The following ATG14 variants were observed in gnomAD, a reference collection of about 807,000 sequenced individuals.
ATG14 encodes autophagy related 14.
In ATG14, 35 loss-of-function variants were observed where a neutral mutation model predicts 60.4. The ratio of observed to expected loss-of-function variants is 0.58; its 90% CI spans 0.44 to 0.77. The LOEUF (loss-of-function observed/expected upper bound fraction) is 0.77. ATG14 is among the 30% of genes least tolerant of loss of function. The pLI is 0.00. For missense variants in ATG14, 647 were observed against 626.3 expected, an observed-to-expected ratio of 1.03 and a Z score of -0.35; for synonymous variants, 234 against 228.8, an observed-to-expected ratio of 1.02 and a Z score of -0.21.
intron 9 of ATG14, among the ~76,000 whole-genome samples, chr14:55,370,715 C>T (rs1884795920): frequency 6.6e-6 from 1 of 151,712 alleles, no homozygotes; most frequent in South Asian, 2.1e-4. Context: ...CATCTTGGCT[C>T]CTGCAACCTC....
Position 55,367,304 on chromosome 14 carries a change from ACT to A in ATG14, c.*2313_*2314del, listed in dbSNP as rs1229179995. ...TCTGAGGGTTTTAAGTAGCTAGACA[ACT>A]CTTACAAGATCGTTAAGTTTATTTA... On this transcript the variant is annotated 3_prime_UTR_variant, in exon 10 of 10. Transcript: ENST00000247178. The A allele has an allele frequency of 1.3e-5, 2 of 152,210 alleles. No individual in the cohort carries two copies. Among genetic ancestry groups the A allele is most frequent in the Non-Finnish European group, 2.9e-5 (2 of 68,012 alleles). 9.4% of individuals were successfully genotyped at this position (152,210 alleles called of 1,614,324 possible). A position where few individuals can be genotyped will look rare whatever the true frequency, so the allele number is the denominator to read the frequency against.
At position 55,385,806 on chromosome 14, in the gene ATG14, A is replaced by G. The variant is rs1189993993; in HGVS notation, c.647+53T>C. On this transcript the variant is annotated intron_variant, in intron 5 of 9. Transcript: ENST00000247178. ...TAAATAAGGTAATGACATACTTTAA[A>G]AAGTATTTGGAACTTGATCTATTCC... 3.5e-6 allele frequency: 5 copies of G among 1,432,884 alleles called. No homozygotes were observed. In the Admixed American group the frequency reaches 1.0e-4, roughly 30 times the overall value. 88.8% of individuals were successfully genotyped at this position (1,432,884 alleles called of 1,614,324 possible).
chr14:55,376,182 G>A (rs1179933818), intron 9 of ATG14, among the ~76,000 whole-genome samples: 1 of 152,204 alleles, frequency 6.6e-6, no homozygotes, highest in Admixed American at 6.5e-5. Context: ...TGAGTTACTT[G>A]ACCATACTAA....
rs1884744052 is a variant in ATG14, at chr14:55,368,813, A to G, written c.*806T>C. 1 of 152,212 alleles carries G rather than the reference A, an allele frequency of 6.6e-6. No individual in the cohort carries two copies. 9.4% of individuals were successfully genotyped at this position (152,212 alleles called of 1,614,324 possible). A position where few individuals can be genotyped will look rare whatever the true frequency, so the allele number is the denominator to read the frequency against. On this transcript the variant is annotated 3_prime_UTR_variant, in exon 10 of 10. Coordinates refer to ENST00000247178, the MANE Select transcript of ATG14 (RefSeq NM_014924.5). ...ACCTTCATGACTTATTTTCACCCAG[A>G]AAATATAAGTTCAATTTCAAAATGC...
At chr14:55,387,024 A>G (rs974748822) in intron 4 of ATG14, among the ~76,000 whole-genome samples, 2 of 152,136 alleles carry the variant, frequency 1.3e-5, no homozygotes, top group Non-Finnish European at 2.9e-5. Flanking sequence ...AAGTCTGTCT[A>G]TCTAGGCCTT....
intron 4 of ATG14, among the ~76,000 whole-genome samples, chr14:55,389,514 T>A (rs1463346708): frequency 1.3e-5 from 2 of 152,194 alleles, no homozygotes; most frequent in Non-Finnish European, 2.9e-5. Context: ...TTTACACCAT[T>A]ACATGCCACT....
At chr14:55,386,140 T>G in intron 4 of ATG14, 44 bp from the exon 5 acceptor site, 1 of 1,535,478 alleles carries the variant, frequency 6.5e-7, no homozygotes, top group Non-Finnish European at 8.9e-7. Flanking sequence ...CTGCAAACAG[T>G]TCCTGTGTAC....
chr14:55,369,364 T>C lies in ATG14; in HGVS notation c.*255A>G, dbSNP rs995250326. 5 of 306,084 alleles carry C rather than the reference T, an allele frequency of 1.6e-5. No individual in the cohort carries two copies. The highest frequency in any genetic ancestry group is 1.1e-4 in the African/African-American group (5 of 46,682). The allele number at this position is 306,084 out of a possible 1,614,324, so 19.0% of individuals were successfully genotyped here. ...CAGAACTGGCCACACGCACAGGTCCTCCTTCCACCAGCACTGGTCTGGGTA... is the reference window on the plus strand; with the variant it reads ...CAGAACTGGCCACACGCACAGGTCCCCCTTCCACCAGCACTGGTCTGGGTA... On this transcript the variant is annotated 3_prime_UTR_variant, in exon 10 of 10. Transcript: ENST00000247178.
chr14:55,389,883 C>T (rs943483852), intron 4 of ATG14, among the ~76,000 whole-genome samples: 7 of 151,536 alleles, frequency 4.6e-5, no homozygotes, highest in African/African-American at 1.2e-4. Context: ...ATTTTGACAA[C>T]GATCTATGAT....
Position 55,369,684 on chromosome 14 carries a change from C to T in ATG14, c.1414G>A (p.Gly472Arg). ...SPPIASSSAG[G>R]MISSAAASVT... is the part of the protein sequence containing the mutation. Reference sequence around the variant, plus strand: ...GAGGCTGCTGCAGAGGAGATCATCCCACCTGCACTGCTGCTCGCGATGGGT... The same window carrying T: ...GAGGCTGCTGCAGAGGAGATCATCCTACCTGCACTGCTGCTCGCGATGGGT... Residue 472 changes from glycine (G) to arginine (R), a missense_variant, in exon 10 of 10, where the codon GGG becomes AGG. Physicochemically the swap from Gly to Arg is moderately radical, Grantham distance 125. Transcript: ENST00000247178. 6.3e-7 allele frequency: 1 copy of T among 1,597,414 alleles called. No homozygotes were observed. Among genetic ancestry groups the T allele is most frequent in the Non-Finnish European group, 8.5e-7 (1 of 1,170,102 alleles).
intron 1 of ATG14, among the ~76,000 whole-genome samples, chr14:55,406,476 G>A (rs1885493364): frequency 1.3e-5 from 2 of 152,198 alleles, no homozygotes; most frequent in Admixed American, 1.3e-4. Flanking sequence ...AAATTATGAA[G>A]ATAGAATATC....
intron 9 of ATG14, among the ~76,000 whole-genome samples, chr14:55,370,377 G>C (rs1004304156): frequency 1.3e-5 from 2 of 150,360 alleles, no homozygotes; most frequent in African/African-American, 2.4e-5. Flanking sequence ...AAAACTCAGT[G>C]GGTTCCTGTA....
At chr14:55,390,675 AC>A (rs1030363052) in intron 4 of ATG14, among the ~76,000 whole-genome samples, 76 of 152,262 alleles carry the variant, frequency 5.0e-4, no homozygotes, top group African/African-American at 1.8e-3. Flanking sequence ...CTGGCGCCTA[AC>A]TTTTTTAATT....
At chr14:55,386,234 A>T in intron 4 of ATG14, 138 bp from the exon 5 acceptor site, 1 of 693,834 alleles carries the variant, frequency 1.4e-6, no homozygotes, top group Non-Finnish European at 2.4e-6. Context: ...ATGTTCACTA[A>T]GTGGAAAATT....
chr14:55,411,751 C>A lies in ATG14; in HGVS notation c.72G>T (p.Arg24=). The part of the protein sequence containing the change: ...APGCGPRPLA[R]DLVDSVDDAE... The stretch of plus-strand genomic sequence containing the variant: ...CATCGTCCACGGAGTCCACCAGGTC[C>A]CGGGCGAGCGGCCGGGGCCCGCAGC... Residue 24 remains arginine (R), a synonymous_variant, in exon 1 of 10, where the codon CGG becomes CGT. Coordinates refer to ENST00000247178, the MANE Select transcript of ATG14 (RefSeq NM_014924.5). 1 of 1,609,054 alleles carries A rather than the reference C, an allele frequency of 6.2e-7. No individual in the cohort carries two copies. The highest frequency in any genetic ancestry group is 8.5e-7 in the Non-Finnish European group (1 of 1,178,190).
At chr14:55,406,528 C>T (rs1241971023) in intron 1 of ATG14, among the ~76,000 whole-genome samples, 1 of 152,224 alleles carries the variant, frequency 6.6e-6, no homozygotes, top group Non-Finnish European at 1.5e-5. Flanking sequence ...GGCCTATTGA[C>T]AGTCGGTAAA....
intron 1 of ATG14, among the ~76,000 whole-genome samples, chr14:55,405,418 T>G (rs1885472755): frequency 6.6e-6 from 1 of 152,224 alleles, no homozygotes. Flanking sequence ...CTAAAACTTG[T>G]CAGTGAAGGT....
intron 1 of ATG14, among the ~76,000 whole-genome samples, chr14:55,406,728 C>A (rs1036868776): frequency 5.3e-5 from 8 of 152,146 alleles, no homozygotes; most frequent in African/African-American, 1.9e-4. Context: ...ACAAACTATT[C>A]TTCTTAAAGC....
intron 3 of ATG14, among the ~76,000 whole-genome samples, chr14:55,392,181 A>G (rs1005605551): frequency 6.6e-6 from 1 of 152,176 alleles, no homozygotes; most frequent in Non-Finnish European, 1.5e-5. Flanking sequence ...TCGCACTCCT[A>G]TGGAAACTAA....
Sources: allele counts gnomAD v4.1 joint callset (sites outside exome capture counted in the v4.1 genomes callset), GRCh38; gene constraint gnomAD v4.1.1; transcripts MANE v1.5; gene names NCBI Gene and HGNC (gene_info 2026-07-23, HGNC 2026-07-21).